The following CDH5 variants were observed in gnomAD, a reference collection of about 807,000 sequenced individuals.
The protein encoded by CDH5 is cadherin-5.
CDH5 carries 28 observed loss-of-function variants against 62.0 expected under a neutral mutation model. The observed-to-expected ratio is 0.45, with a 90% CI of 0.33 to 0.62. The LOEUF (loss-of-function observed/expected upper bound fraction) is 0.62. Among genes scored for constraint, CDH5 ranks in the 20% least tolerant of loss-of-function variants. CDH5 has a pLI of 0.02. For synonymous variants in CDH5, 464 were observed against 445.8 expected, an observed-to-expected ratio of 1.04 and a Z score of -0.52; for missense variants, 940 against 1,065.1, an observed-to-expected ratio of 0.88 and a Z score of 1.63.
rs1421390085 is a variant in CDH5 at position 66,403,449 on chromosome 16, C to T, written c.*280C>T. 4.3e-6 allele frequency: 2 copies of T among 460,338 alleles called. No homozygotes were observed. The highest frequency in any genetic ancestry group is 2.6e-5 in the South Asian group (1 of 38,694). 28.5% of individuals were successfully genotyped at this position (460,338 alleles called of 1,614,324 possible). On this transcript the variant is annotated 3_prime_UTR_variant, in exon 12 of 12. Coordinates refer to ENST00000341529, the MANE Select transcript of CDH5 (RefSeq NM_001795.5). This position sits in a 1 kb window ranked among gnomAD's most constrained non-coding sequence, Gnocchi z 4.3. ...CATAACCCTGTCACCCACAGACCGC[C>T]GTCTAACTCAAAGACTTCCTCTGGC...
intron 11 of CDH5, among the ~76,000 whole-genome samples, chr16:66,401,565 G>T (rs1961282121): frequency 6.6e-6 from 1 of 152,170 alleles, no homozygotes; most frequent in African/African-American, 2.4e-5. Flanking sequence ...GGATTTCCCA[G>T]GGAGCAGCCC....
Position 66,402,721 on chromosome 16 carries a change from C to T in CDH5, c.1907C>T (p.Pro636Leu), listed in dbSNP as rs368981850. ...KQARAHGKSV[P>L]EIHEQLVTYD... ...GCCCGCGCGCACGGCAAGAGCGTGC[C>T]GGAGATCCACGAGCAGCTGGTCACC... The change falls in exon 12 of 12, where the codon CCG becomes CTG. Residue 636 changes from proline to leucine, a missense_variant. Coordinates refer to ENST00000341529, the MANE Select transcript of CDH5 (RefSeq NM_001795.5). The T allele has an allele frequency of 5.0e-6, 8 of 1,609,566 alleles. No homozygotes were observed. The highest frequency in any genetic ancestry group is 1.8e-4 in the Middle Eastern group (1 of 5,488).
intron 1 of CDH5, among the ~76,000 whole-genome samples, chr16:66,373,740 T>G (rs746567788): frequency 6.6e-6 from 1 of 152,124 alleles, no homozygotes; most frequent in Admixed American, 6.6e-5. Context: ...GCTTTTCAGA[T>G]GGGAAGGTCC....
intron 10 of CDH5, among the ~76,000 whole-genome samples, chr16:66,400,277 G>A (rs1961257588): frequency 6.6e-6 from 1 of 152,238 alleles, no homozygotes; most frequent in Non-Finnish European, 1.5e-5. Flanking sequence ...GTGCCCCAAG[G>A]GACATGTCCA....
chr16:66,402,519 G>A, intron 11 of CDH5, 133 bp from the exon 12 acceptor site: 1 of 719,028 alleles, frequency 1.4e-6, no homozygotes, highest in Non-Finnish European at 2.2e-6. Flanking sequence ...TGCAGGGGAA[G>A]GGGGGGCCAA....
In CDH5 at chr16:66,403,217, A is replaced by T; in HGVS notation, c.*48A>T. 6.5e-7 allele frequency: 1 copy of T among 1,535,166 alleles called. No individual in the cohort carries two copies. Among genetic ancestry groups the T allele is most frequent in the Non-Finnish European group, 8.8e-7 (1 of 1,139,626 alleles). On this transcript the variant is annotated 3_prime_UTR_variant, in exon 12 of 12. Coordinates refer to ENST00000341529, the MANE Select transcript of CDH5 (RefSeq NM_001795.5). This position sits in a 1 kb window ranked among gnomAD's most constrained non-coding sequence, Gnocchi z 4.3. ...TGGGGACCCAAACCCCCTGCAGCCCAGGCCAGTCAGACGCCAGGCACCACA... is the reference window on the plus strand; with the variant it reads ...TGGGGACCCAAACCCCCTGCAGCCCTGGCCAGTCAGACGCCAGGCACCACA...
rs772190072 is a variant in CDH5 at position 66,395,927 on chromosome 16, G to T, written c.1218-132G>T. 15 of 820,250 alleles carry T rather than the reference G, an allele frequency of 1.8e-5. No homozygotes were observed. The African/African-American group carries it at 2.3e-4, about 13-fold the overall frequency. 50.8% of individuals were successfully genotyped at this position (820,250 alleles called of 1,614,324 possible). ...TCCACTCTTGTCTGAGTGGCAGAGT[G>T]CAATGAGCAGTGAGAGAGGGGCATG... is the stretch of plus-strand genomic sequence containing the variant. On this transcript the variant is annotated intron_variant, in intron 7 of 11. Coordinates refer to ENST00000341529, the MANE Select transcript of CDH5 (RefSeq NM_001795.5).
intron 1 of CDH5, among the ~76,000 whole-genome samples, chr16:66,378,232 G>A (rs1960820152): frequency 6.6e-6 from 1 of 152,166 alleles, no homozygotes; most frequent in African/African-American, 2.4e-5. Context: ...GATGTTTGCC[G>A]AGAGAAGGCT....
intron 1 of CDH5, among the ~76,000 whole-genome samples, chr16:66,373,250 G>A (rs1458179129): frequency 6.6e-6 from 1 of 152,172 alleles, no homozygotes; most frequent in East Asian, 1.9e-4. Flanking sequence ...AATGAAAAAA[G>A]GGCTATGACC....
At chr16:66,401,117 T>G in intron 11 of CDH5, 101 bp downstream of exon 11, 1 of 1,495,952 alleles carries the variant, frequency 6.7e-7, no homozygotes, top group South Asian at 1.2e-5. Context: ...GGCCAGAGGT[T>G]CAGGCCCAAC....
chr16:66,377,354 G>A (rs541927846), intron 1 of CDH5: 1 of 152,306 alleles, frequency 6.6e-6, no homozygotes, highest in East Asian at 1.9e-4. Context: ...CCTCTCCCAG[G>A]CATATGGCAC....
chr16:66,376,025 G>T (rs1172054499), intron 1 of CDH5, among the ~76,000 whole-genome samples: 1 of 152,076 alleles, frequency 6.6e-6, no homozygotes, highest in East Asian at 1.9e-4. Context: ...CCAGGAGAAT[G>T]ACTTGAACCT....
chr16:66,387,764 A>G (rs930190324), intron 3 of CDH5, among the ~76,000 whole-genome samples: 1 of 152,166 alleles, frequency 6.6e-6, no homozygotes, highest in African/African-American at 2.4e-5. Flanking sequence ...GCCATGCAGG[A>G]GTGGTGTGGG....
chr16:66,383,699 T>G (rs973662951), intron 2 of CDH5, among the ~76,000 whole-genome samples: 2 of 152,192 alleles, frequency 1.3e-5, no homozygotes, highest in African/African-American at 4.8e-5. Context: ...GCTTCTTGCC[T>G]CTAGTCCAGC....
chr16:66,404,385 G>A lies in CDH5; in HGVS notation c.*1216G>A, dbSNP rs1961351313. ...TGGAGAAGTGGCATCAGTCAACAGA[G>A]AGGGGCAGGGAAGGAGACACCAAGC... On this transcript the variant is annotated 3_prime_UTR_variant, in exon 12 of 12. Coordinates refer to ENST00000341529, the MANE Select transcript of CDH5 (RefSeq NM_001795.5). 1 of 152,466 alleles carries A rather than the reference G, an allele frequency of 6.6e-6. No homozygotes were observed. The highest frequency in any genetic ancestry group is 6.5e-5 in the Admixed American group (1 of 15,288). 9.4% of individuals were successfully genotyped at this position (152,466 alleles called of 1,614,324 possible).
rs1439233309 is a variant in CDH5 at position 66,386,702 on chromosome 16, CACATACACA to C, written c.211-106_211-98del. 6 of 979,802 alleles carry C rather than the reference CACATACACA, an allele frequency of 6.1e-6. No homozygotes were observed. The African/African-American group carries it at 9.7e-5, about 16-fold the overall frequency. 60.7% of individuals were successfully genotyped at this position (979,802 alleles called of 1,614,324 possible). On this transcript the variant is annotated intron_variant, in intron 2 of 11. Coordinates refer to ENST00000341529, the MANE Select transcript of CDH5 (RefSeq NM_001795.5). ...GGACCCTGGCCAGCACCACACACAC[CACATACACA>C]CATGCACAGGCACACCTGTGTACAC...
chr16:66,392,587 T>C (rs1961108402), intron 7 of CDH5: 1 of 619,934 alleles, frequency 1.6e-6, no homozygotes, highest in Non-Finnish European at 2.8e-6. Flanking sequence ...CCACCTAGCA[T>C]GGTCCTGGGC....
chr16:66,376,620 A>G (rs7204719), intron 1 of CDH5: 75,615 of 151,956 alleles, frequency 0.5, 21,020 homozygotes, highest in African/African-American at 0.74. Context: ...GACCAGCAAC[A>G]GCACTTCTGC....
In CDH5 at chr16:66,392,289, C is replaced by T. The variant is rs779726552; in HGVS notation, c.1123C>T (p.Pro375Ser). 2 of 1,614,172 alleles carry T rather than the reference C, an allele frequency of 1.2e-6. No individual in the cohort carries two copies. Among genetic ancestry groups the T allele is most frequent in the East Asian group, 2.2e-5 (1 of 44,882 alleles). The change falls in exon 7 of 12, where the codon CCT becomes TCT. Residue 375 changes from proline (P) to serine (S), a missense_variant. Coordinates refer to ENST00000341529, the MANE Select transcript of CDH5 (RefSeq NM_001795.5). ...DVDEPPIFQQ[P>S]FYHFQLKENQ... ...GGACGAGCCCCCCATTTTCCAGCAG[C>T]CTTTCTACCACTTCCAGCTGAAGGA...
Sources: gnomAD v4.1 joint callset for allele counts (sites outside exome capture counted in the v4.1 genomes callset) on GRCh38, gnomAD v4.1.1 for gene constraint, Gnocchi (gnomAD v3.1) non-coding constraint, MANE v1.5 for transcripts, NCBI Gene and HGNC (gene_info 2026-07-23, HGNC 2026-07-21) for gene names.